The following RALGAPA2 variants were observed in gnomAD, a reference collection of about 807,000 sequenced individuals.
RALGAPA2 encodes ral GTPase-activating protein subunit alpha-2.
A neutral mutation model predicts 230.4 loss-of-function variants in RALGAPA2; 139 were observed. The ratio of observed to expected loss-of-function variants is 0.60; its 90% CI spans 0.53 to 0.69. RALGAPA2 has a LOEUF of 0.69. Ranked by LOEUF, RALGAPA2 falls within the 30% of genes least tolerant of loss-of-function variation. The pLI, the probability that RALGAPA2 is intolerant of heterozygous loss-of-function variation, is 0.00. For synonymous variants in RALGAPA2, 847 were observed against 837.8 expected (o/e 1.01, Z -0.19); for missense variants, 2,163 against 2,276.0 (o/e 0.95, Z 1.01).
intron 37 of RALGAPA2, among the ~76,000 whole-genome samples, chr20:20,468,395 T>C (rs1024439179): frequency 6.6e-6 from 1 of 151,650 alleles, no homozygotes; most frequent in Non-Finnish European, 1.5e-5. Flanking sequence ...CCTCTCCCCA[T>C]GCATTTTTCA....
At chr20:20,423,675 T>C (rs1284999445) in intron 37 of RALGAPA2, among the ~76,000 whole-genome samples, 1 of 152,212 alleles carries the variant, frequency 6.6e-6, no homozygotes, top group Non-Finnish European at 1.5e-5. Flanking sequence ...AGATTTTATC[T>C]CTCTTTCAAT....
At chr20:20,648,881 C>G (rs916088598) in intron 4 of RALGAPA2, among the ~76,000 whole-genome samples, 8 of 152,116 alleles carry the variant, frequency 5.3e-5, no homozygotes, top group Non-Finnish European at 1.0e-4. Flanking sequence ...ATCTCACCCC[C>G]ACTCCTGAGG....
chr20:20,609,965 C>G (rs1360816371), intron 14 of RALGAPA2, among the ~76,000 whole-genome samples: 1 of 152,234 alleles, frequency 6.6e-6, no homozygotes, highest in African/African-American at 2.4e-5. Context: ...GCCTCTCATA[C>G]ATTTTTTATC....
rs368378317 is a variant in RALGAPA2 at position 20,397,451 on chromosome 20, G to A, written c.5618-717C>T. ...TGACAGGTTCTTCCACCCCTTCCACGCCATCCTATTTCCTACGGCGGGGTT... is the reference window on the plus strand; with the variant it reads ...TGACAGGTTCTTCCACCCCTTCCACACCATCCTATTTCCTACGGCGGGGTT... On this transcript the variant is annotated intron_variant, in intron 38 of 39. Coordinates refer to ENST00000202677, the MANE Select transcript of RALGAPA2 (RefSeq NM_020343.4). Among the ~76,000 whole-genome samples the A allele has an allele frequency of 1.8e-4, 27 of 152,270 alleles. No homozygotes were observed. In the South Asian group the frequency reaches 5.2e-3, roughly 29 times the overall value.
chr20:20,625,603 A>C (rs528009508), intron 10 of RALGAPA2, among the ~76,000 whole-genome samples: 2 of 152,344 alleles, frequency 1.3e-5, no homozygotes, highest in Non-Finnish European at 2.9e-5. Context: ...AATAAATTAG[A>C]AGTTTCACAA....
chr20:20,618,640 G>A (rs1435651505), intron 12 of RALGAPA2, among the ~76,000 whole-genome samples: 7 of 152,184 alleles, frequency 4.6e-5, no homozygotes, highest in South Asian at 2.1e-4. Flanking sequence ...GGTGGCGGGC[G>A]AGGGGGCAGT....
intron 4 of RALGAPA2, among the ~76,000 whole-genome samples, chr20:20,651,915 T>A (rs975494232): frequency 2.0e-5 from 3 of 152,196 alleles, no homozygotes; most frequent in Non-Finnish European, 4.4e-5. Context: ...TCTCTTTGGA[T>A]TATACCTTAC....
At position 20,513,213 on chromosome 20, in the gene RALGAPA2, G is replaced by C. The variant is rs1210040403; in HGVS notation, c.4156C>G (p.Leu1386Val). ...RMVMAHLVNH[L>V]GHYPLSGGPA... ...CCCCCACTGAGGGGGTAGTGCCCCAGGTGGTTCACCAGGTGGGCCATCACC... is the reference window on the plus strand; with the variant it reads ...CCCCCACTGAGGGGGTAGTGCCCCACGTGGTTCACCAGGTGGGCCATCACC... Residue 1386 changes from leucine to valine, a missense_variant, in exon 32 of 40, where the codon CTG becomes GTG. By Grantham distance (32) the Leu-to-Val change is conservative. Coordinates refer to ENST00000202677, the MANE Select transcript of RALGAPA2 (RefSeq NM_020343.4). The C allele has an allele frequency of 6.6e-7, 1 of 1,516,996 alleles. No individual in the cohort carries two copies. Among genetic ancestry groups the C allele is most frequent in the Non-Finnish European group, 8.8e-7 (1 of 1,135,360 alleles). 94.0% of individuals were successfully genotyped at this position (1,516,996 alleles called of 1,614,324 possible).
intron 9 of RALGAPA2, among the ~76,000 whole-genome samples, chr20:20,633,934 G>A (rs2066770157): frequency 6.6e-6 from 1 of 152,182 alleles, no homozygotes; most frequent in Admixed American, 6.5e-5. Context: ...GGGGGGATGT[G>A]TATGTGTATG....
intron 36 of RALGAPA2, among the ~76,000 whole-genome samples, chr20:20,484,924 G>A (rs928593394): frequency 7.9e-5 from 12 of 152,174 alleles, no homozygotes; most frequent in African/African-American, 2.7e-4. Context: ...AAGGCTAGAG[G>A]GGCTAACCGA....
chr20:20,524,541 A>C lies in RALGAPA2; in HGVS notation c.3765T>G (p.Phe1255Leu), dbSNP rs759592547. ...EYSSVETDKK[F>L]IVSLLLCLLD... ...AGAGGCAGAGTAGCAAGGACACAAT[A>C]AACTGGAAGAAGAACATGCCCGGTA... Residue 1255 changes from phenylalanine (F) to leucine (L), a missense_variant and splice_region_variant, in exon 30 of 40, where the codon TTT becomes TTG. Phe to Leu is a conservative substitution (Grantham distance 22). Coordinates refer to ENST00000202677, the MANE Select transcript of RALGAPA2 (RefSeq NM_020343.4). The C allele has an allele frequency of 6.2e-7, 1 of 1,613,916 alleles. No individual in the cohort carries two copies. Among genetic ancestry groups the C allele is most frequent in the South Asian group, 1.1e-5 (1 of 91,078 alleles).
chr20:20,437,112 T>C lies in RALGAPA2; in HGVS notation c.5496-24964A>G, dbSNP rs541116929. On this transcript the variant is annotated intron_variant, in intron 37 of 39. Transcript: ENST00000202677. This position sits in a 1 kb window ranked among gnomAD's most constrained non-coding sequence, Gnocchi z 4.1. ...TCTGTTCACATGGGAATACATAATATGTATAATTTCATAAATGTTAGCTCA... is the reference window on the plus strand; with the variant it reads ...TCTGTTCACATGGGAATACATAATACGTATAATTTCATAAATGTTAGCTCA... 2.0e-5 allele frequency among the ~76,000 whole-genome samples: 3 copies of C among 152,096 alleles called. No homozygotes were observed. Among genetic ancestry groups the C allele is most frequent in the Non-Finnish European group, 4.4e-5 (3 of 68,014 alleles).
intron 36 of RALGAPA2, among the ~76,000 whole-genome samples, chr20:20,491,169 A>T (rs578224347): frequency 9.5e-4 from 145 of 152,050 alleles, no homozygotes; most frequent in Non-Finnish European, 1.8e-3. Flanking sequence ...TAGAACTGGA[A>T]CTCTGGTGTC....
At chr20:20,706,028 A>G (rs1193819340) in intron 1 of RALGAPA2, among the ~76,000 whole-genome samples, 1 of 152,248 alleles carries the variant, frequency 6.6e-6, no homozygotes, top group African/African-American at 2.4e-5. Flanking sequence ...TTGGTAACCA[A>G]AAATCAGTAC....
intron 1 of RALGAPA2, among the ~76,000 whole-genome samples, chr20:20,685,950 G>A (rs895660679): frequency 3.3e-5 from 5 of 152,044 alleles, no homozygotes; most frequent in South Asian, 2.1e-4. Context: ...AGAAGCAAAC[G>A]GCAGACAGCC....
At chr20:20,589,433 G>T in intron 17 of RALGAPA2, 68 bp from the exon 18 acceptor site, 1 of 1,425,860 alleles carries the variant, frequency 7.0e-7, no homozygotes, top group Non-Finnish European at 9.6e-7. Context: ...ACCGGAAAAT[G>T]ATTTTATATA....
intron 16 of RALGAPA2, among the ~76,000 whole-genome samples, chr20:20,594,727 T>A (rs1028281124): frequency 1.1e-4 from 16 of 149,146 alleles, no homozygotes; most frequent in Admixed American, 1.0e-3. Context: ...ACTATTACTT[T>A]CTTTTTTTTT....
At chr20:20,520,374 T>C (rs565871539) in intron 31 of RALGAPA2, among the ~76,000 whole-genome samples, 6 of 152,116 alleles carry the variant, frequency 3.9e-5, no homozygotes, top group Non-Finnish European at 8.8e-5. Context: ...AAGTAAGAAA[T>C]ACAGCAGGCT....
rs1448078564 is a variant in RALGAPA2, at chr20:20,535,926, CT to C, written c.3415-124del. On this transcript the variant is annotated intron_variant, in intron 25 of 39. Transcript: ENST00000202677. ...CGACCAGGGAGCTCAGAGAGCTCAT[CT>C]ATGAGTGAGAGCCTGGGGGGAAGAA... 49 of 1,380,526 alleles carry C rather than the reference CT, an allele frequency of 3.5e-5. No homozygotes were observed. In the East Asian group the frequency reaches 1.3e-3, roughly 35 times the overall value. The allele number at this position is 1,380,526 out of a possible 1,614,324, so 85.5% of individuals were successfully genotyped here. A position where few individuals can be genotyped will look rare whatever the true frequency, so the allele number is the denominator to read the frequency against.
Sources: allele counts gnomAD v4.1 joint callset (sites outside exome capture counted in the v4.1 genomes callset), GRCh38; gene constraint gnomAD v4.1.1; non-coding constraint Gnocchi (gnomAD v3.1); transcripts MANE v1.5; gene names NCBI Gene and HGNC (gene_info 2026-07-23, HGNC 2026-07-21).